Variants in CCSER1 observed in about 807,000 individuals in gnomAD.
CCSER1 encodes the protein serine-rich coiled-coil domain-containing protein 1.
CCSER1 carries 41 observed loss-of-function variants against 82.0 expected under a neutral mutation model. The ratio of observed to expected loss-of-function variants is 0.50; its 90% CI spans 0.39 to 0.65. CCSER1 has a LOEUF of 0.65. Ranked by LOEUF, CCSER1 falls within the 30% of genes least tolerant of loss-of-function variation. CCSER1 has a pLI of 0.00. For missense variants in CCSER1, 1,119 were observed against 1,064.2 expected (o/e 1.05, Z -0.72); for synonymous variants, 414 against 383.9 (o/e 1.08, Z -0.92).
At chr4:91,465,354 C>T (rs1188478132) in intron 10 of CCSER1, among the ~76,000 whole-genome samples, 1 of 152,170 alleles carries the variant, frequency 6.6e-6, no homozygotes, top group African/African-American at 2.4e-5. Context: ...ACATTTAAAG[C>T]AGTGTGTAGA....
At chr4:91,266,155 G>A (rs1181544262) in intron 10 of CCSER1, among the ~76,000 whole-genome samples, 2 of 152,104 alleles carry the variant, frequency 1.3e-5, no homozygotes, top group Non-Finnish European at 2.9e-5. Context: ...AGATTTGGGT[G>A]GGGACACAGA....
At chr4:90,215,737 A>G (rs1055378256) in intron 1 of CCSER1, among the ~76,000 whole-genome samples, 5 of 152,176 alleles carry the variant, frequency 3.3e-5, no homozygotes, top group African/African-American at 9.7e-5. Context: ...CAAAGGTGCA[A>G]TGGAAAATGT....
At chr4:90,173,718 A>T (rs971314695) in intron 1 of CCSER1, among the ~76,000 whole-genome samples, 1 of 152,006 alleles carries the variant, frequency 6.6e-6, no homozygotes, top group African/African-American at 2.4e-5. Flanking sequence ...GCACAAGTTT[A>T]AGGGTTAAAA....
chr4:91,074,548 T>A (rs1191777873), intron 9 of CCSER1, among the ~76,000 whole-genome samples: 1 of 152,220 alleles, frequency 6.6e-6, no homozygotes, highest in African/African-American at 2.4e-5. Context: ...TATACAGTTT[T>A]TAAGACTATG....
chr4:91,521,180 C>T lies in CCSER1; in HGVS notation c.2218-77392C>T, dbSNP rs559852971. On this transcript the variant is annotated intron_variant, in intron 10 of 10. Transcript: ENST00000509176. Reference sequence around the variant, plus strand: ...ATAGTTTGCTGAGAATGATGGTTTACAGCTTCATGCATGTCCCTGCAAAGG... The same window carrying T: ...ATAGTTTGCTGAGAATGATGGTTTATAGCTTCATGCATGTCCCTGCAAAGG... Among the ~76,000 whole-genome samples, 23 of 152,314 alleles carry T rather than the reference C, an allele frequency of 1.5e-4. No individual in the cohort carries two copies. In the South Asian group the frequency reaches 4.3e-3, roughly 29 times the overall value.
chr4:90,754,936 C>T (rs62312993), intron 7 of CCSER1, among the ~76,000 whole-genome samples: 21,530 of 152,108 alleles, frequency 0.14, 1,701 homozygotes, highest in Non-Finnish European at 0.17. Flanking sequence ...GCTCCCCTTT[C>T]CTCATCTCCA....
chr4:91,195,283 C>G (rs547344442), intron 10 of CCSER1, among the ~76,000 whole-genome samples: 1 of 152,172 alleles, frequency 6.6e-6, no homozygotes, highest in South Asian at 2.1e-4. Context: ...TGTGCTCTGC[C>G]GAAACTTGTA....
At chr4:90,652,608 C>T (rs932481639) in intron 6 of CCSER1, among the ~76,000 whole-genome samples, 1 of 152,098 alleles carries the variant, frequency 6.6e-6, no homozygotes, top group South Asian at 2.1e-4. Context: ...CTTCTCTTCC[C>T]TGTTATCTTA....
chr4:91,102,999 T>C (rs1725234151), intron 10 of CCSER1, among the ~76,000 whole-genome samples: 1 of 152,238 alleles, frequency 6.6e-6, no homozygotes, highest in Non-Finnish European at 1.5e-5. Context: ...TATTTTCATA[T>C]TGAACAAATA....
intron 4 of CCSER1, among the ~76,000 whole-genome samples, chr4:90,426,947 A>C (rs950073084): frequency 3.9e-5 from 6 of 152,120 alleles, no homozygotes; most frequent in African/African-American, 1.4e-4. Context: ...GATTCTTCTA[A>C]AAAGTCTTTA....
intron 5 of CCSER1, among the ~76,000 whole-genome samples, chr4:90,510,848 A>T (rs1306920428): frequency 6.6e-6 from 1 of 152,182 alleles, no homozygotes; most frequent in African/African-American, 2.4e-5. Flanking sequence ...GTAAGAGTTG[A>T]TGATGAGTCA....
intron 1 of CCSER1, among the ~76,000 whole-genome samples, chr4:90,283,009 C>G (rs1337342751): frequency 6.6e-6 from 1 of 151,978 alleles, no homozygotes; most frequent in Non-Finnish European, 1.5e-5. Context: ...TGGAAGGTTG[C>G]TTTCTCATGC....
chr4:90,239,195 A>C (rs1746378607), intron 1 of CCSER1, among the ~76,000 whole-genome samples: 1 of 152,286 alleles, frequency 6.6e-6, no homozygotes, highest in East Asian at 1.9e-4. Context: ...GTAGTTGTTT[A>C]ACATGATTAA....
intron 8 of CCSER1, among the ~76,000 whole-genome samples, chr4:90,841,127 T>G (rs1762515527): frequency 7.2e-6 from 1 of 139,030 alleles, no homozygotes; most frequent in Admixed American, 7.4e-5. Context: ...GATCAGTATC[T>G]GAAAACCTCA....
In CCSER1 at chr4:91,602,168, AGCC is replaced by A. The variant is rs1764839448; in HGVS notation, c.*3112_*3114del. The stretch of plus-strand genomic sequence containing the variant: ...TGATTGACATGAAAATAAAATAGTA[AGCC>A]AATATTAATTTGTAGGCATAGTTGC... On this transcript the variant is annotated 3_prime_UTR_variant, in exon 11 of 11. Transcript: ENST00000509176. Among the ~76,000 whole-genome samples the A allele has an allele frequency of 6.6e-6, 1 of 151,994 alleles. No homozygotes were observed.
chr4:91,193,053 T>C (rs1735131611), intron 10 of CCSER1, among the ~76,000 whole-genome samples: 3 of 152,206 alleles, frequency 2.0e-5, no homozygotes, highest in South Asian at 2.1e-4. Flanking sequence ...TTTCTTTCCC[T>C]GTACTGACAT....
intron 3 of CCSER1, among the ~76,000 whole-genome samples, chr4:90,365,834 G>A (rs1401371252): frequency 6.6e-6 from 1 of 151,768 alleles, no homozygotes; most frequent in Non-Finnish European, 1.5e-5. Flanking sequence ...GCAAACATTT[G>A]TTTTTGCAAT....
intron 5 of CCSER1, among the ~76,000 whole-genome samples, chr4:90,480,024 C>A (rs1430718988): frequency 6.6e-6 from 1 of 152,202 alleles, no homozygotes; most frequent in Non-Finnish European, 1.5e-5. Flanking sequence ...TTCTCCACAT[C>A]CTCTCCAGCA....
intron 10 of CCSER1, among the ~76,000 whole-genome samples, chr4:91,330,668 C>T (rs947216592): frequency 6.6e-6 from 1 of 152,116 alleles, no homozygotes; most frequent in African/African-American, 2.4e-5. Flanking sequence ...TGTTGCAAAA[C>T]AATCAAGGAG....
Sources: allele counts gnomAD v4.1 joint callset (sites outside exome capture counted in the v4.1 genomes callset), GRCh38; gene constraint gnomAD v4.1.1; transcripts MANE v1.5; gene names NCBI Gene and HGNC (gene_info 2026-07-23, HGNC 2026-07-21).